The following NXPH1 variants were observed in gnomAD, a reference collection of about 807,000 sequenced individuals.
NXPH1 encodes neurexophilin 1, also known as neurexophilin-1.
NXPH1 carries 5 observed loss-of-function variants against 23.7 expected under a neutral mutation model. The ratio of observed to expected loss-of-function variants is 0.21; its 90% confidence interval spans 0.11 to 0.44. NXPH1 has a LOEUF of 0.44. Ranked by LOEUF, NXPH1 falls within the 20% of genes least tolerant of loss-of-function variation. NXPH1 has a pLI of 0.99. For missense variants in NXPH1, 324 were observed against 321.6 expected (o/e 1.01, Z -0.06); for synonymous variants, 144 against 122.2 (o/e 1.18, Z -1.18).
At chr7:8,520,688 G>GA (rs398111020) in intron 2 of NXPH1, among the ~76,000 whole-genome samples, 1 of 66,802 alleles carries the variant, frequency 1.5e-5, no homozygotes, top group Non-Finnish European at 3.1e-5. Context: ...AACCTTTTCA[G>GA]TGTCACTCTT....
chr7:8,627,833 A>C (rs779999861), intron 2 of NXPH1, among the ~76,000 whole-genome samples: 1 of 152,164 alleles, frequency 6.6e-6, no homozygotes, highest in Non-Finnish European at 1.5e-5. Context: ...TTCATCCATA[A>C]AAGAAAGCCA....
At chr7:8,498,893 T>A (rs1358371978) in intron 2 of NXPH1, among the ~76,000 whole-genome samples, 2 of 152,066 alleles carry the variant, frequency 1.3e-5, no homozygotes, top group African/African-American at 4.8e-5. Flanking sequence ...TGCATGAGTG[T>A]GGGTGGCTTC....
At chr7:8,605,834 A>T (rs1819475056) in intron 2 of NXPH1, among the ~76,000 whole-genome samples, 1 of 152,100 alleles carries the variant, frequency 6.6e-6, no homozygotes, top group Non-Finnish European at 1.5e-5. Context: ...AGAAGATCTT[A>T]ATATTTCTAT....
intron 2 of NXPH1, among the ~76,000 whole-genome samples, chr7:8,679,059 T>C (rs1343288326): frequency 1.3e-5 from 2 of 149,056 alleles, no homozygotes; most frequent in African/African-American, 5.0e-5. Flanking sequence ...GCCATTCTCC[T>C]GCCTCAACCT....
At position 8,532,475 on chromosome 7, in the gene NXPH1, G is replaced by A. The variant is rs151110629; in HGVS notation, c.54+96708G>A. Among the ~76,000 whole-genome samples the A allele has an allele frequency of 1.4e-4, 20 of 143,048 alleles. 1 individual carries two copies. Among genetic ancestry groups the A allele is most frequent in the African/African-American group, 3.4e-4 (13 of 38,750 alleles). The allele number at this position is 143,048 out of a possible 152,430, so 93.8% of individuals were successfully genotyped here. ...ATCCTTTCATATTTTTTTTGGGGGG[G>A]GGGGAGGGGGCTGCTTTTTACAGGG... On this transcript the variant is annotated intron_variant, in intron 2 of 2. Transcript: ENST00000405863.
Position 8,435,661 on chromosome 7 carries a change from A to C in NXPH1, c.-53A>C. Reference sequence around the variant, plus strand: ...GATGTCAGGTGGATCTATGTTTCTGAAGGAACAAAGACTCAAAGAAGGCAC... The same window carrying C: ...GATGTCAGGTGGATCTATGTTTCTGCAGGAACAAAGACTCAAAGAAGGCAC... On this transcript the variant is annotated 5_prime_UTR_variant, in exon 2 of 3. Transcript: ENST00000405863. This position sits in a 1 kb window ranked among gnomAD's most constrained non-coding sequence, Gnocchi z 5.9. 6.5e-7 allele frequency: 1 copy of C among 1,537,550 alleles called. No homozygotes were observed. The highest frequency in any genetic ancestry group is 9.0e-7 in the Non-Finnish European group (1 of 1,110,410).
chr7:8,616,113 T>C, intron 2 of NXPH1, among the ~76,000 whole-genome samples: 1 of 152,176 alleles, frequency 6.6e-6, no homozygotes, highest in East Asian at 1.9e-4. Flanking sequence ...TCTTATTTTG[T>C]TTTATAGACC....
chr7:8,588,449 A>T (rs1819023258), intron 2 of NXPH1, among the ~76,000 whole-genome samples: 1 of 141,280 alleles, frequency 7.1e-6, no homozygotes, highest in Non-Finnish European at 1.5e-5. Flanking sequence ...GTTGTGTCCC[A>T]GGACAGTGAA....
chr7:8,594,726 C>T (rs1819180639), intron 2 of NXPH1, among the ~76,000 whole-genome samples: 2 of 151,884 alleles, frequency 1.3e-5, no homozygotes, highest in South Asian at 4.1e-4. Context: ...TGGAAGTCGA[C>T]TTGACTTTAC....
intron 2 of NXPH1, among the ~76,000 whole-genome samples, chr7:8,748,124 T>A (rs920628801): frequency 6.6e-6 from 1 of 152,298 alleles, no homozygotes; most frequent in East Asian, 1.9e-4. Context: ...TATTTTTCCT[T>A]TCAACTTTAT....
intron 2 of NXPH1, among the ~76,000 whole-genome samples, chr7:8,656,229 T>G (rs1407295645): frequency 6.6e-6 from 1 of 152,224 alleles, no homozygotes; most frequent in Non-Finnish European, 1.5e-5. Context: ...ATAATAAAGC[T>G]AATTAATAAT....
chr7:8,744,479 C>T (rs1371591139), intron 2 of NXPH1, among the ~76,000 whole-genome samples: 3 of 152,106 alleles, frequency 2.0e-5, no homozygotes, highest in Non-Finnish European at 1.5e-5. Context: ...CAACTGGCTC[C>T]TCTTCTGCCT....
intron 2 of NXPH1, among the ~76,000 whole-genome samples, chr7:8,619,084 A>G (rs1290689369): frequency 6.6e-6 from 1 of 152,158 alleles, no homozygotes; most frequent in Non-Finnish European, 1.5e-5. Flanking sequence ...TTCTCTCTCT[A>G]AGAAGGAAGT....
At chr7:8,750,983 T>A in intron 2 of NXPH1, 25 bp from the exon 3 acceptor site, 1 of 1,609,286 alleles carries the variant, frequency 6.2e-7, no homozygotes, top group Non-Finnish European at 8.5e-7. Context: ...GAGATGTAAA[T>A]GCCATTTTTC....
intron 2 of NXPH1, among the ~76,000 whole-genome samples, chr7:8,626,761 A>T (rs779339175): frequency 6.6e-6 from 1 of 152,154 alleles, no homozygotes; most frequent in Non-Finnish European, 1.5e-5. Context: ...ATGCCTTAAT[A>T]ACAGTAAAGT....
chr7:8,665,164 TAA>T (rs2115164836), intron 2 of NXPH1, among the ~76,000 whole-genome samples: 1 of 152,188 alleles, frequency 6.6e-6, no homozygotes, highest in South Asian at 2.1e-4. Context: ...TTCTTATATT[TAA>T]GTTTTTAATC....
chr7:8,648,793 T>A (rs1163108725), intron 2 of NXPH1, among the ~76,000 whole-genome samples: 1 of 152,202 alleles, frequency 6.6e-6, no homozygotes, highest in Non-Finnish European at 1.5e-5. Context: ...ATTTATCAAT[T>A]ACTAAATGAG....
chr7:8,528,402 T>A (rs1817899083), intron 2 of NXPH1, among the ~76,000 whole-genome samples: 1 of 152,248 alleles, frequency 6.6e-6, no homozygotes, highest in African/African-American at 2.4e-5. Flanking sequence ...TGACTTTGGT[T>A]TGCAGAAATG....
At chr7:8,681,199 C>G (rs1242084486) in intron 2 of NXPH1, among the ~76,000 whole-genome samples, 2 of 152,184 alleles carry the variant, frequency 1.3e-5, no homozygotes, top group Non-Finnish European at 2.9e-5. Context: ...TAATAAAAAT[C>G]CATCCCTTTT....
Sources: allele counts gnomAD v4.1 joint callset (sites outside exome capture counted in the v4.1 genomes callset), GRCh38; gene constraint gnomAD v4.1.1; non-coding constraint Gnocchi (gnomAD v3.1); transcripts MANE v1.5; gene names NCBI Gene and HGNC (gene_info 2026-07-23, HGNC 2026-07-21).